PLEKHA7: variants seen among roughly 807,000 people sequenced by gnomAD.
The protein encoded by PLEKHA7 is pleckstrin homology domain containing A7.
PLEKHA7 carries 104 observed loss-of-function variants against 170.0 expected under a neutral mutation model. That is an observed-to-expected ratio of 0.61 (90% CI 0.52 to 0.72). The LOEUF is 0.72. Among genes scored for constraint, PLEKHA7 ranks in the 30% least tolerant of loss-of-function variants. The pLI, the probability that PLEKHA7 is intolerant of heterozygous loss-of-function variation, is 0.00. For synonymous variants in PLEKHA7, 648 were observed against 660.8 expected, an observed-to-expected ratio of 0.98 and a Z score of 0.30; for missense variants, 1,615 against 1,671.7, an observed-to-expected ratio of 0.97 and a Z score of 0.59.
chr11:16,999,973 C>T (rs2137030729), intron 3 of PLEKHA7, among the ~76,000 whole-genome samples: 1 of 152,304 alleles, frequency 6.6e-6, no homozygotes, highest in East Asian at 1.9e-4. Flanking sequence ...CACAAAAGAA[C>T]CAGATGCAAA....
intron 3 of PLEKHA7, among the ~76,000 whole-genome samples, chr11:16,891,505 TA>T (rs1173531392): frequency 2.0e-5 from 3 of 152,248 alleles, no homozygotes; most frequent in African/African-American, 7.2e-5. Flanking sequence ...TGTTTTATAC[TA>T]CTGTTGTGGT....
chr11:16,952,868 A>G (rs1861491267), intron 3 of PLEKHA7, among the ~76,000 whole-genome samples: 2 of 152,256 alleles, frequency 1.3e-5, no homozygotes, highest in African/African-American at 4.8e-5. Context: ...TAAAAACACA[A>G]GAGAACAAAG....
intron 3 of PLEKHA7, among the ~76,000 whole-genome samples, chr11:16,996,180 G>A (rs928350878): frequency 1.4e-4 from 22 of 152,282 alleles, no homozygotes; most frequent in African/African-American, 4.6e-4. Flanking sequence ...AGACCTAAGG[G>A]GCAGATACCG....
rs1854686589 is a variant in PLEKHA7 at position 16,869,846 on chromosome 11, G to A, written c.305+1253C>T. 1.3e-5 allele frequency among the ~76,000 whole-genome samples: 2 copies of A among 152,142 alleles called. 1 individual carries two copies. The highest frequency in any genetic ancestry group is 1.3e-4 in the Admixed American group (2 of 15,274). ...AATGCTGTAAAAATATAAATACTGA[G>A]AGTTTATTTTAAGATCATATTTGGT... On this transcript the variant is annotated intron_variant, in intron 4 of 26. Coordinates refer to ENST00000531066, the MANE Select transcript of PLEKHA7 (RefSeq NM_001329630.2).
At chr11:16,994,087 G>A (rs1335540915) in intron 3 of PLEKHA7, among the ~76,000 whole-genome samples, 1 of 152,168 alleles carries the variant, frequency 6.6e-6, no homozygotes, top group Non-Finnish European at 1.5e-5. Context: ...TGAATTCACG[G>A]TCTTTCCCTA....
chr11:16,907,672 C>T (rs879385113), intron 3 of PLEKHA7, among the ~76,000 whole-genome samples: 3,492 of 130,770 alleles, frequency 0.027, 70 homozygotes, highest in African/African-American at 0.061. Flanking sequence ...GCCAGCCGCC[C>T]CGTCCGGGAG....
chr11:16,950,380 G>C (rs1236626175), intron 3 of PLEKHA7, among the ~76,000 whole-genome samples: 1 of 152,122 alleles, frequency 6.6e-6, no homozygotes, highest in Non-Finnish European at 1.5e-5. Context: ...GTTCTTCCTG[G>C]TGCAAAGCTG....
Position 16,789,801 on chromosome 11 carries a change from C to G in PLEKHA7, c.3130G>C (p.Ala1044Pro), listed in dbSNP as rs781519035. 5 of 1,614,104 alleles carry G rather than the reference C, an allele frequency of 3.1e-6. No homozygotes were observed. Among genetic ancestry groups the G allele is most frequent in the Middle Eastern group, 1.7e-4 (1 of 6,058 alleles). Residue 1044 changes from alanine (A) to proline (P), a missense_variant, in exon 22 of 27, where the codon GCC becomes CCC. Physicochemically the swap from Ala to Pro is conservative, Grantham distance 27. Transcript: ENST00000531066. This position sits in a 1 kb window ranked among gnomAD's most constrained non-coding sequence, Gnocchi z 4.6. ...GGGAAGGTCGCCTTGCTGCTTTCGGCATTGAGACCCCTCCGGAGTGTGACG... is the reference window on the plus strand; with the variant it reads ...GGGAAGGTCGCCTTGCTGCTTTCGGGATTGAGACCCCTCCGGAGTGTGACG... ...PYVTLRRGLN[A>P]ESSKATFPRP... is the part of the protein sequence containing the mutation.
intron 17 of PLEKHA7, 22 bp from the exon 18 acceptor site, chr11:16,795,040 G>A (rs576281491): frequency 1.3e-6 from 2 of 1,547,114 alleles, no homozygotes; most frequent in East Asian, 2.2e-5. Flanking sequence ...GAAGTGGTGG[G>A]TTTGCCTTCT....
chr11:16,836,225 G>C (rs377367506), intron 9 of PLEKHA7, among the ~76,000 whole-genome samples: 1 of 152,176 alleles, frequency 6.6e-6, no homozygotes, highest in Non-Finnish European at 1.5e-5. Context: ...GGACCTCCTC[G>C]TGGAGCTCAA....
chr11:16,995,109 T>C (rs1329834237), intron 3 of PLEKHA7, among the ~76,000 whole-genome samples: 2 of 152,222 alleles, frequency 1.3e-5, no homozygotes, highest in African/African-American at 4.8e-5. Context: ...ATTTAATCCC[T>C]GCCACAATTA....
intron 12 of PLEKHA7, among the ~76,000 whole-genome samples, chr11:16,814,099 A>C (rs558393260): frequency 2.6e-5 from 4 of 152,336 alleles, no homozygotes; most frequent in African/African-American, 9.6e-5. Context: ...GAGTTGAGGC[A>C]GGGCTCTTAT....
At chr11:16,968,726 C>A (rs1474209984) in intron 3 of PLEKHA7, among the ~76,000 whole-genome samples, 1 of 152,298 alleles carries the variant, frequency 6.6e-6, no homozygotes, top group Admixed American at 6.5e-5. Context: ...ACTCCCCCAC[C>A]ACCAACAGCG....
At chr11:16,780,726 C>G (rs2134101060) in intron 26 of PLEKHA7, among the ~76,000 whole-genome samples, 1 of 152,218 alleles carries the variant, frequency 6.6e-6, no homozygotes, top group East Asian at 1.9e-4. Flanking sequence ...TTGCTCAGTC[C>G]CTATCGTATT....
chr11:16,905,672 AGTTT>A (rs1204103795), intron 3 of PLEKHA7, among the ~76,000 whole-genome samples: 2 of 152,180 alleles, frequency 1.3e-5, no homozygotes, highest in Admixed American at 6.5e-5. Flanking sequence ...GAGGGAGATC[AGTTT>A]GTTTTTCAAC....
rs75037364 is a variant in PLEKHA7, at chr11:16,919,513, A to G, written c.222-48331T>C. ...AACATAGTGAGATCTCACCTCTAAA[A>G]AAAGAAAAACACTTAGCCAAGCATG... is the stretch of plus-strand genomic sequence containing the variant. On this transcript the variant is annotated intron_variant, in intron 3 of 26. Coordinates refer to ENST00000531066, the MANE Select transcript of PLEKHA7 (RefSeq NM_001329630.2). Among the ~76,000 whole-genome samples, 293 of 152,122 alleles carry G rather than the reference A, an allele frequency of 1.9e-3. 1 individual carries two copies. The highest frequency in any genetic ancestry group is 1.8e-3 in the Non-Finnish European group (121 of 67,988).
At chr11:16,923,630 G>C (rs188260934) in intron 3 of PLEKHA7, among the ~76,000 whole-genome samples, 55 of 152,148 alleles carry the variant, frequency 3.6e-4, no homozygotes, top group Non-Finnish European at 7.4e-5. Flanking sequence ...TTGGGAGGAG[G>C]GGGAGGGAGC....
intron 15 of PLEKHA7, among the ~76,000 whole-genome samples, chr11:16,802,124 A>C (rs1049301176): frequency 1.3e-5 from 2 of 152,232 alleles, no homozygotes; most frequent in Non-Finnish European, 2.9e-5. Context: ...GAATTAAAAA[A>C]ACAAAAAACA....
At chr11:16,786,419 G>T (rs923687139) in intron 23 of PLEKHA7, 32 bp from the exon 24 acceptor site, 1 of 1,534,176 alleles carries the variant, frequency 6.5e-7, no homozygotes, top group Non-Finnish European at 8.7e-7. Context: ...AAACGTAGTC[G>T]CTTCCTGATT....
Sources: gnomAD v4.1 joint callset for allele counts (sites outside exome capture counted in the v4.1 genomes callset) on GRCh38, gnomAD v4.1.1 for gene constraint, Gnocchi (gnomAD v3.1) non-coding constraint, MANE v1.5 for transcripts, NCBI Gene and HGNC (gene_info 2026-07-23, HGNC 2026-07-21) for gene names.